ETFA: variants seen among roughly 807,000 people sequenced by gnomAD.
ETFA encodes electron transfer flavoprotein subunit alpha.
In ETFA, 22 loss-of-function variants were observed where a neutral mutation model predicts 46.2. That is an observed-to-expected ratio of 0.48 (90% CI 0.34 to 0.68). The LOEUF is 0.68. Ranked by LOEUF, ETFA falls within the 30% of genes least tolerant of loss-of-function variation. The pLI is 0.01. For synonymous variants in ETFA, 131 were observed against 139.9 expected (o/e 0.94, Z 0.45); for missense variants, 345 against 401.1 (o/e 0.86, Z 1.19).
At chr15:76,219,620 A>C (rs1018123116) in intron 11 of ETFA, among the ~76,000 whole-genome samples, 1 of 152,244 alleles carries the variant, frequency 6.6e-6, no homozygotes, top group Non-Finnish European at 1.5e-5. Flanking sequence ...AATTCACACA[A>C]GTCAACAAAA....
At chr15:76,217,863 G>C (rs1387408687) in intron 11 of ETFA, among the ~76,000 whole-genome samples, 2 of 152,236 alleles carry the variant, frequency 1.3e-5, no homozygotes, top group Non-Finnish European at 2.9e-5. Flanking sequence ...TGGAAATAAT[G>C]TGTTCGTACA....
At chr15:76,253,231 A>C (rs1020994765) in intron 9 of ETFA, among the ~76,000 whole-genome samples, 1 of 152,236 alleles carries the variant, frequency 6.6e-6, no homozygotes, top group Non-Finnish European at 1.5e-5. Flanking sequence ...GCATGAATCC[A>C]TAAGCATACT....
At chr15:76,219,217 G>A (rs1187728244) in intron 11 of ETFA, among the ~76,000 whole-genome samples, 2 of 152,136 alleles carry the variant, frequency 1.3e-5, no homozygotes, top group African/African-American at 4.8e-5. Flanking sequence ...TCATTCAATG[G>A]GAACAGAATA....
intron 9 of ETFA, among the ~76,000 whole-genome samples, chr15:76,237,168 T>C (rs2039133555): frequency 6.6e-6 from 1 of 152,180 alleles, no homozygotes; most frequent in South Asian, 2.1e-4. Context: ...TTTTCGTGCC[T>C]CAGCCTCCTG....
rs781441430 is a variant in ETFA at position 76,285,756 on chromosome 15, T to C, written c.563-18A>G. The C allele has an allele frequency of 3.0e-6, 4 of 1,352,414 alleles. No individual in the cohort carries two copies. Among genetic ancestry groups the C allele is most frequent in the East Asian group, 2.3e-5 (1 of 43,660 alleles). The allele number at this position is 1,352,414 out of a possible 1,614,324, so 83.8% of individuals were successfully genotyped here. A position where few individuals can be genotyped will look rare whatever the true frequency, so the allele number is the denominator to read the frequency against. On this transcript the variant is annotated intron_variant, in intron 6 of 11. Transcript: ENST00000557943. ...ACTTGATGCTGCATACATTAATACATAATAAAACAATGACTATGATTTCAA... is the reference window on the plus strand; with the variant it reads ...ACTTGATGCTGCATACATTAATACACAATAAAACAATGACTATGATTTCAA...
At chr15:76,277,782 C>T (rs1354899085) in intron 8 of ETFA, among the ~76,000 whole-genome samples, 2 of 152,176 alleles carry the variant, frequency 1.3e-5, no homozygotes, top group Non-Finnish European at 2.9e-5. Context: ...GGATTACAGG[C>T]ATGAGCCACC....
chr15:76,303,487 G>C (rs1472775703), intron 1 of ETFA, among the ~76,000 whole-genome samples: 1 of 151,590 alleles, frequency 6.6e-6, no homozygotes, highest in African/African-American at 2.4e-5. Context: ...AAACTAAAGA[G>C]CTTCTGCACA....
At chr15:76,256,318 T>A (rs1332434595) in intron 9 of ETFA, among the ~76,000 whole-genome samples, 8 of 150,212 alleles carry the variant, frequency 5.3e-5, no homozygotes, top group Admixed American at 5.3e-4. Flanking sequence ...TTGGATTACA[T>A]GTATATTTAA....
chr15:76,299,299 T>C (rs2039858081), intron 1 of ETFA, among the ~76,000 whole-genome samples: 2 of 152,294 alleles, frequency 1.3e-5, no homozygotes, highest in Non-Finnish European at 2.9e-5. Flanking sequence ...TTTTTCTTTT[T>C]TGGAAACAAA....
intron 9 of ETFA, among the ~76,000 whole-genome samples, chr15:76,244,738 C>G (rs1350937140): frequency 6.6e-6 from 1 of 151,828 alleles, no homozygotes; most frequent in Non-Finnish European, 1.5e-5. Flanking sequence ...AGTTACCACA[C>G]CAACACAGCT....
At chr15:76,260,202 C>G (rs1296683975) in intron 9 of ETFA, 1 of 1,171,698 alleles carries the variant, frequency 8.5e-7, no homozygotes, top group African/African-American at 1.5e-5. Context: ...CTTTAGTTCG[C>G]TGTTGATGCC....
At chr15:76,292,304 A>C in intron 4 of ETFA, 127 bp downstream of exon 4, 1 of 742,024 alleles carries the variant, frequency 1.3e-6, no homozygotes, top group African/African-American at 1.7e-5. Context: ...AAATTTTAGC[A>C]AAACTACCAC....
chr15:76,239,622 C>T (rs2039164524), intron 9 of ETFA, among the ~76,000 whole-genome samples: 1 of 152,042 alleles, frequency 6.6e-6, no homozygotes, highest in African/African-American at 2.4e-5. Flanking sequence ...CTAAATTCAG[C>T]ACTTTTTCTA....
intron 8 of ETFA, among the ~76,000 whole-genome samples, chr15:76,277,217 T>C (rs2039601886): frequency 6.6e-6 from 1 of 152,196 alleles, no homozygotes; most frequent in South Asian, 2.1e-4. Flanking sequence ...ATGGCTAGAA[T>C]GGCTGAAGTT....
intron 1 of ETFA, among the ~76,000 whole-genome samples, chr15:76,295,940 T>A (rs1159730249): frequency 1.3e-5 from 1 of 75,766 alleles, no homozygotes; most frequent in South Asian, 5.1e-4. Flanking sequence ...AATATTCTTT[T>A]TTTTTTTTTT....
chr15:76,243,475 G>C (rs1275833275), intron 9 of ETFA, among the ~76,000 whole-genome samples: 2 of 152,020 alleles, frequency 1.3e-5, no homozygotes, highest in African/African-American at 4.8e-5. Context: ...AGGATTTATA[G>C]AAATTCACTG....
At chr15:76,271,968 G>A (rs1033255095) in intron 9 of ETFA, among the ~76,000 whole-genome samples, 3 of 151,154 alleles carry the variant, frequency 2.0e-5, no homozygotes, top group Non-Finnish European at 2.9e-5. Context: ...AAATTCTCTC[G>A]GAGGCTGTAT....
At chr15:76,217,845 C>A (rs1450420963) in intron 11 of ETFA, among the ~76,000 whole-genome samples, 1 of 152,224 alleles carries the variant, frequency 6.6e-6, no homozygotes, top group African/African-American at 2.4e-5. Context: ...AGCTACATTT[C>A]CATTAGGTGG....
chr15:76,243,102 G>A (rs928505670), intron 9 of ETFA, among the ~76,000 whole-genome samples: 5 of 152,102 alleles, frequency 3.3e-5, no homozygotes, highest in Admixed American at 2.0e-4. Flanking sequence ...TTCAAGACCA[G>A]ACTGTCAACA....
Sources: allele counts gnomAD v4.1 joint callset (sites outside exome capture counted in the v4.1 genomes callset), GRCh38; gene constraint gnomAD v4.1.1; transcripts MANE v1.5; gene names NCBI Gene and HGNC (gene_info 2026-07-23, HGNC 2026-07-21).